The following SDHC variants were observed in gnomAD, a reference collection of about 807,000 sequenced individuals.
SDHC encodes the protein succinate dehydrogenase cytochrome b560 subunit, mitochondrial.
SDHC carries 11 observed loss-of-function variants against 22.6 expected under a neutral mutation model. That is an observed-to-expected ratio of 0.49 (90% CI 0.31 to 0.81). SDHC has a LOEUF of 0.81. Among genes scored for constraint, SDHC ranks in the 30% least tolerant of loss-of-function variants. The pLI is 0.05. For missense variants in SDHC, 160 were observed against 212.0 expected, an observed-to-expected ratio of 0.75 and a Z score of 1.52; for synonymous variants, 80 against 77.8, an observed-to-expected ratio of 1.03 and a Z score of -0.15.
rs1333794178 is a variant in SDHC at position 161,362,783 on chromosome 1, C to T, written c.*350C>T. ...CCTGAGACAGTGGAAACAATGCCAGCTCTGTGGCTTCTGCCCTGGGGATGG... is the reference window on the plus strand; with the variant it reads ...CCTGAGACAGTGGAAACAATGCCAGTTCTGTGGCTTCTGCCCTGGGGATGG... On this transcript the variant is annotated 3_prime_UTR_variant, in exon 6 of 6. Coordinates refer to ENST00000367975, the MANE Select transcript of SDHC (RefSeq NM_003001.5). The T allele has an allele frequency of 1.3e-5, 7 of 528,082 alleles. No homozygotes were observed. The highest frequency in any genetic ancestry group is 2.1e-5 in the South Asian group (1 of 48,306). The allele number at this position is 528,082 out of a possible 1,614,324, so 32.7% of individuals were successfully genotyped here. A position where few individuals can be genotyped will look rare whatever the true frequency, so the allele number is the denominator to read the frequency against.
intron 4 of SDHC, among the ~76,000 whole-genome samples, chr1:161,346,051 C>T (rs559585457): frequency 1.4e-4 from 21 of 152,082 alleles, no homozygotes; most frequent in South Asian, 1.0e-3. Flanking sequence ...GGAATCTGCC[C>T]GCCTCAGCCT....
At chr1:161,324,583 ACT>A (rs1670980927) in intron 2 of SDHC, among the ~76,000 whole-genome samples, 1 of 151,972 alleles carries the variant, frequency 6.6e-6, no homozygotes, top group South Asian at 2.1e-4. Flanking sequence ...TTTGCTTATC[ACT>A]CTTTTTTGTA....
At chr1:161,340,806 CAATT>C in intron 4 of SDHC, 151 bp downstream of exon 4, 1 of 704,318 alleles carries the variant, frequency 1.4e-6, no homozygotes, top group South Asian at 1.5e-5. Flanking sequence ...ATCCCTTTAA[CAATT>C]AATTATGAGT....
intron 3 of SDHC, among the ~76,000 whole-genome samples, chr1:161,336,912 C>T (rs1327908928): frequency 6.6e-6 from 1 of 151,958 alleles, no homozygotes; most frequent in African/African-American, 2.4e-5. Context: ...CTCTGTTACT[C>T]AGGCTGGAGT....
intron 2 of SDHC, 21 bp from the exon 3 acceptor site, chr1:161,328,375 A>G (rs765258962): frequency 1.3e-6 from 2 of 1,557,994 alleles, no homozygotes; most frequent in South Asian, 2.2e-5. Flanking sequence ...GTTATTTTCA[A>G]ACGGTCTGGT....
At chr1:161,346,391 G>A (rs536756353) in intron 4 of SDHC, among the ~76,000 whole-genome samples, 1 of 151,770 alleles carries the variant, frequency 6.6e-6, no homozygotes, top group East Asian at 1.9e-4. Context: ...TATTTATAAT[G>A]CACTGTGATA....
chr1:161,337,597 T>C (rs1431965125), intron 3 of SDHC, among the ~76,000 whole-genome samples: 2 of 152,198 alleles, frequency 1.3e-5, no homozygotes, highest in African/African-American at 4.8e-5. Context: ...GGAAATAATA[T>C]TATGGTTATT....
chr1:161,317,403 A>G (rs1374069621), intron 1 of SDHC, among the ~76,000 whole-genome samples: 1 of 152,052 alleles, frequency 6.6e-6, no homozygotes, highest in Non-Finnish European at 1.5e-5. Flanking sequence ...AATTGTATAT[A>G]TGGTGTACAA....
At chr1:161,326,192 T>C (rs1320086003) in intron 2 of SDHC, among the ~76,000 whole-genome samples, 1 of 149,716 alleles carries the variant, frequency 6.7e-6, no homozygotes, top group Admixed American at 6.7e-5. Context: ...CAGAGCGAGA[T>C]CCCATCTCAA....
intron 3 of SDHC, among the ~76,000 whole-genome samples, chr1:161,329,158 G>A (rs560051560): frequency 3.9e-5 from 6 of 152,072 alleles, no homozygotes; most frequent in East Asian, 1.9e-4. Flanking sequence ...CGCCCGCCTC[G>A]GCCTCCCAAA....
chr1:161,336,708 G>C (rs1425636467), intron 3 of SDHC, among the ~76,000 whole-genome samples: 1 of 152,082 alleles, frequency 6.6e-6, no homozygotes, highest in Admixed American at 6.6e-5. Flanking sequence ...AAAGATATCT[G>C]AGATACCTGA....
intron 1 of SDHC, 65 bp downstream of exon 1, chr1:161,314,490 G>A (rs974625388): frequency 3.8e-6 from 6 of 1,578,260 alleles, no homozygotes; most frequent in East Asian, 2.2e-5. Context: ...GGCCCCTCAC[G>A]TTTTGCTGAT....
intron 3 of SDHC, among the ~76,000 whole-genome samples, chr1:161,334,812 G>T (rs1429088418): frequency 1.3e-5 from 2 of 152,082 alleles, no homozygotes; most frequent in Non-Finnish European, 2.9e-5. Context: ...CATATTCATA[G>T]GTTCTAGAGA....
intron 2 of SDHC, chr1:161,326,666 A>G (rs1176750655): frequency 7.1e-6 from 1 of 141,202 alleles, no homozygotes; most frequent in Non-Finnish European, 1.5e-5. Flanking sequence ...CGTTCTGTCG[A>G]CCAGGCTGGA....
intron 1 of SDHC, among the ~76,000 whole-genome samples, chr1:161,316,565 G>A (rs74956457): frequency 0.12 from 17,840 of 152,110 alleles, 1,420 homozygotes; most frequent in African/African-American, 0.22. Flanking sequence ...CTTTCTATAC[G>A]GACACCTTAA....
intron 1 of SDHC, among the ~76,000 whole-genome samples, chr1:161,315,422 T>A (rs1032190899): frequency 3.9e-5 from 6 of 152,260 alleles, no homozygotes; most frequent in Non-Finnish European, 8.8e-5. Flanking sequence ...CTGTTTTTCA[T>A]CTCCATATGT....
intron 5 of SDHC, among the ~76,000 whole-genome samples, chr1:161,359,236 A>C (rs1672407442): frequency 6.6e-6 from 1 of 152,084 alleles, no homozygotes; most frequent in African/African-American, 2.4e-5. Context: ...TTTTGCCTTA[A>C]TTTGACTTTT....
At chr1:161,327,360 T>A (rs1034822534) in intron 2 of SDHC, among the ~76,000 whole-genome samples, 1 of 152,202 alleles carries the variant, frequency 6.6e-6, no homozygotes, top group African/African-American at 2.4e-5. Flanking sequence ...GACATTTTAG[T>A]GTGTAAGTAC....
At chr1:161,353,762 C>T (rs910755603) in intron 4 of SDHC, among the ~76,000 whole-genome samples, 10 of 152,244 alleles carry the variant, frequency 6.6e-5, no homozygotes, top group East Asian at 3.9e-4. Flanking sequence ...GCAGAAGGAT[C>T]GCTTGAGCCC....
Sources: gnomAD v4.1 joint callset for allele counts (sites outside exome capture counted in the v4.1 genomes callset) on GRCh38, gnomAD v4.1.1 for gene constraint, MANE v1.5 for transcripts, NCBI Gene and HGNC (gene_info 2026-07-23, HGNC 2026-07-21) for gene names.